NPAS3: variants seen among roughly 807,000 people sequenced by gnomAD.
NPAS3 encodes the protein neuronal PAS domain-containing protein 3.
Under a neutral mutation model 73.1 loss-of-function variants are expected in NPAS3, and 14 were observed. The ratio of observed to expected loss-of-function variants is 0.19; its 90% CI spans 0.13 to 0.30. The LOEUF is 0.30. NPAS3 is among the 10% of genes least tolerant of loss of function. The probability of loss-of-function intolerance (pLI) is 1.00; values close to 1 mark genes in which losing one functional copy is unlikely to be tolerated. For synonymous variants in NPAS3, 620 were observed against 541.5 expected (o/e 1.14, Z -2.01); for missense variants, 1,096 against 1,250.0 (o/e 0.88, Z 1.86).
At chr14:33,747,814 T>C (rs887032151) in intron 7 of NPAS3, among the ~76,000 whole-genome samples, 1 of 152,216 alleles carries the variant, frequency 6.6e-6, no homozygotes, top group Admixed American at 6.5e-5. Flanking sequence ...TTATTCTCTC[T>C]AAAGTATATA....
intron 4 of NPAS3, among the ~76,000 whole-genome samples, chr14:33,426,878 G>A (rs996611116): frequency 1.3e-5 from 2 of 152,022 alleles, no homozygotes; most frequent in Admixed American, 1.3e-4. Flanking sequence ...AGTGAATTGT[G>A]GCAAATTTTT....
intron 4 of NPAS3, among the ~76,000 whole-genome samples, chr14:33,502,219 C>CT (rs1011132237): frequency 2.6e-5 from 4 of 151,780 alleles, no homozygotes; most frequent in African/African-American, 9.7e-5. Flanking sequence ...AAAAGCACCT[C>CT]TTTTTTTCTG....
At chr14:33,698,669 C>T (rs906512409) in intron 6 of NPAS3, among the ~76,000 whole-genome samples, 1 of 152,244 alleles carries the variant, frequency 6.6e-6, no homozygotes, top group Non-Finnish European at 1.5e-5. Flanking sequence ...CCCTGACATA[C>T]TTCCCTTCCT....
chr14:33,249,908 A>G (rs2048519471), intron 3 of NPAS3, among the ~76,000 whole-genome samples: 1 of 66,450 alleles, frequency 1.5e-5, no homozygotes, highest in South Asian at 4.0e-4. Context: ...AATCTGTCAT[A>G]CACACACACA....
chr14:33,264,460 A>C lies in NPAS3; in HGVS notation c.385+49034A>C, dbSNP rs17100477. Among the ~76,000 whole-genome samples the C allele has an allele frequency of 7.0e-3, 1,071 of 152,254 alleles. 8 individuals are homozygous for C. Among genetic ancestry groups the C allele is most frequent in the African/African-American group, 0.025 (1,023 of 41,548 alleles). ...AAAAGTAACTGATTTGAGAATGATA[A>C]TCCAGACAGATGTTTTAAAGAAAAT... On this transcript the variant is annotated intron_variant, in intron 3 of 11. Transcript: ENST00000356141.
At chr14:32,993,836 A>T (rs927346435) in intron 1 of NPAS3, among the ~76,000 whole-genome samples, 1 of 152,238 alleles carries the variant, frequency 6.6e-6, no homozygotes, top group Admixed American at 6.5e-5. Context: ...ATATATCTTC[A>T]TGGTTCTGTA....
intron 1 of NPAS3, among the ~76,000 whole-genome samples, chr14:32,959,997 G>A (rs1023287952): frequency 9.0e-5 from 8 of 88,790 alleles, no homozygotes; most frequent in Non-Finnish European, 1.6e-4. Context: ...TTTTTTTTTT[G>A]GTGAGTAATG....
At chr14:33,407,625 A>G (rs2047725734) in intron 4 of NPAS3, among the ~76,000 whole-genome samples, 1 of 152,148 alleles carries the variant, frequency 6.6e-6, no homozygotes, top group African/African-American at 2.4e-5. Context: ...ATGTAAGTAC[A>G]GATTGATAAA....
intron 1 of NPAS3, among the ~76,000 whole-genome samples, chr14:32,966,695 G>A (rs60225758): frequency 0.026 from 3,340 of 129,124 alleles, 61 homozygotes; most frequent in East Asian, 0.078. Flanking sequence ...GCGTGAACCC[G>A]GGAAGCGGAG....
chr14:33,097,394 C>A (rs554104098), intron 2 of NPAS3, among the ~76,000 whole-genome samples: 1 of 152,360 alleles, frequency 6.6e-6, no homozygotes, highest in Non-Finnish European at 1.5e-5. Context: ...TGTTCAGTCT[C>A]ATCACTGCAT....
At chr14:33,183,421 GTTTTTTTTTTTTTTTTTTTTTTTTT>G (rs55643715) in intron 2 of NPAS3, among the ~76,000 whole-genome samples, 8 of 60,764 alleles carry the variant, frequency 1.3e-4, no homozygotes, top group African/African-American at 5.8e-4. Context: ...GTGAGACTCT[GTTTTTTTTTTTTTTTTTTTTTTTTT>G]TTTTTTTTTT....
chr14:33,087,580 G>A (rs1227896951), intron 2 of NPAS3, among the ~76,000 whole-genome samples: 1 of 152,122 alleles, frequency 6.6e-6, no homozygotes, highest in East Asian at 1.9e-4. Flanking sequence ...GTAGGTCTCA[G>A]AAATGACAAA....
intron 2 of NPAS3, among the ~76,000 whole-genome samples, chr14:33,204,614 A>G (rs1425049587): frequency 1.3e-5 from 2 of 152,110 alleles, no homozygotes. Flanking sequence ...AAAGTCAGTC[A>G]CTGAATGGAA....
At chr14:32,947,569 A>G (rs142605463) in intron 1 of NPAS3, among the ~76,000 whole-genome samples, 1,754 of 152,224 alleles carry the variant, frequency 0.012, 14 homozygotes, top group Non-Finnish European at 0.019. Context: ...CACAGCATAT[A>G]TATGTCACAT....
At chr14:33,409,830 T>C (rs1170138430) in intron 4 of NPAS3, among the ~76,000 whole-genome samples, 3 of 152,172 alleles carry the variant, frequency 2.0e-5, no homozygotes, top group African/African-American at 4.8e-5. Flanking sequence ...CCTACCATAA[T>C]TGAATTATGC....
chr14:33,280,955 G>A (rs560572378), intron 3 of NPAS3, among the ~76,000 whole-genome samples: 1 of 152,252 alleles, frequency 6.6e-6, no homozygotes, highest in Admixed American at 6.5e-5. Flanking sequence ...AAAACTTAAT[G>A]TAAAACCATT....
intron 2 of NPAS3, among the ~76,000 whole-genome samples, chr14:33,160,900 G>A (rs1215002687): frequency 6.6e-6 from 1 of 152,146 alleles, no homozygotes; most frequent in Non-Finnish European, 1.5e-5. Context: ...TCCAACTGAT[G>A]TGTTTCATTC....
chr14:33,544,820 A>AATAT (rs1555409990), intron 4 of NPAS3, among the ~76,000 whole-genome samples: 1 of 98,550 alleles, frequency 1.0e-5, no homozygotes, highest in African/African-American at 5.4e-5. Context: ...ATGTATATAT[A>AATAT]ATATATATGT....
At chr14:33,286,422 T>TA (rs1040509676) in intron 3 of NPAS3, among the ~76,000 whole-genome samples, 1 of 152,202 alleles carries the variant, frequency 6.6e-6, no homozygotes, top group Non-Finnish European at 1.5e-5. Flanking sequence ...ATAGTTGTTT[T>TA]AAAAAAATTC....
Sources: allele counts gnomAD v4.1 joint callset (sites outside exome capture counted in the v4.1 genomes callset), GRCh38; gene constraint gnomAD v4.1.1; transcripts MANE v1.5; gene names NCBI Gene and HGNC (gene_info 2026-07-23, HGNC 2026-07-21).